Variants in MROH9 observed in about 807,000 individuals in gnomAD.
The protein encoded by MROH9 is maestro heat-like repeat-containing protein family member 9.
MROH9 carries 92 observed loss-of-function variants against 98.2 expected under a neutral mutation model. The observed-to-expected ratio is 0.94, with a 90% CI of 0.79 to 1.11. MROH9 has a LOEUF of 1.11. Ranked by LOEUF, MROH9 falls within the 50% of genes most tolerant of loss-of-function variation. The pLI is 0.00. For synonymous variants in MROH9, 397 were observed against 368.9 expected, an observed-to-expected ratio of 1.08 and a Z score of -0.87; for missense variants, 1,057 against 1,014.8, an observed-to-expected ratio of 1.04 and a Z score of -0.57.
At chr1:170,983,198 A>G (rs917355188) in intron 8 of MROH9, among the ~76,000 whole-genome samples, 13 of 152,218 alleles carry the variant, frequency 8.5e-5, no homozygotes, top group African/African-American at 3.1e-4. Flanking sequence ...CTATTATTAA[A>G]AGTATTTGTC....
chr1:170,995,718 T>C (rs1048065679), intron 13 of MROH9, among the ~76,000 whole-genome samples, 187 bp downstream of exon 13: 1 of 152,080 alleles, frequency 6.6e-6, no homozygotes, highest in African/African-American at 2.4e-5. Flanking sequence ...ACCTAAAAAT[T>C]AGTTCACCTT....
At chr1:170,989,157 T>G (rs931826792) in intron 10 of MROH9, among the ~76,000 whole-genome samples, 13 of 152,230 alleles carry the variant, frequency 8.5e-5, no homozygotes, top group East Asian at 3.9e-4. Flanking sequence ...AGTCTAAAAT[T>G]TATGATCCAG....
At chr1:170,963,401 C>A (rs573654297) in intron 6 of MROH9, among the ~76,000 whole-genome samples, 7 of 152,172 alleles carry the variant, frequency 4.6e-5, no homozygotes, top group Admixed American at 6.5e-5. Context: ...TTAGTACAAC[C>A]ATTGTACAAA....
At chr1:170,996,389 C>T (rs1027304562) in intron 13 of MROH9, 118 bp from the exon 14 acceptor site, 12 of 1,070,682 alleles carry the variant, frequency 1.1e-5, no homozygotes, top group Non-Finnish European at 1.6e-5. Flanking sequence ...TCCATTGAGA[C>T]ATCCCCTTTC....
intron 8 of MROH9, among the ~76,000 whole-genome samples, chr1:170,980,565 A>T (rs1650891635): frequency 6.6e-6 from 1 of 152,240 alleles, no homozygotes; most frequent in Admixed American, 6.5e-5. Context: ...CTGTCTAGCC[A>T]TATGCAGAAA....
intron 20 of MROH9, among the ~76,000 whole-genome samples, chr1:171,055,836 C>T (rs1653822458): frequency 6.6e-6 from 1 of 152,222 alleles, no homozygotes; most frequent in African/African-American, 2.4e-5. Context: ...ACTGACCAGG[C>T]AGCTGGTGTG....
At chr1:170,998,346 G>A (rs1651661548) in intron 15 of MROH9, 72 bp downstream of exon 15, 3 of 1,612,240 alleles carry the variant, frequency 1.9e-6, no homozygotes, top group African/African-American at 2.7e-5. Flanking sequence ...CAAAATTCCA[G>A]TTTCTCGTAT....
Position 170,971,828 on chromosome 1 carries a change from A to G in MROH9, c.561A>G (p.Val187=), listed in dbSNP as rs554437403. The G allele has an allele frequency of 8.0e-5, 129 of 1,614,074 alleles. 2 individuals are homozygous for G. In the South Asian group the frequency reaches 1.1e-3, roughly 14 times the overall value. ...GTTCCCATGAAGATCCCTCGATTGTAAAACAAGCATCATTGGGAATGTGTC... is the reference window on the plus strand; with the variant it reads ...GTTCCCATGAAGATCCCTCGATTGTGAAACAAGCATCATTGGGAATGTGTC... ...LLCSHEDPSI[V]KQASLGMCHL... Residue 187 remains valine (V), a synonymous_variant, in exon 8 of 22, where the codon GTA becomes GTG. Transcript: ENST00000367759.
At chr1:170,990,047 A>G in intron 11 of MROH9, 44 bp downstream of exon 11, 1 of 1,553,478 alleles carries the variant, frequency 6.4e-7, no homozygotes, top group Non-Finnish European at 8.8e-7. Context: ...GGGCTTGTTC[A>G]CAGGCTGCAC....
chr1:171,037,479 T>G (rs925450519), intron 20 of MROH9, among the ~76,000 whole-genome samples: 13 of 151,856 alleles, frequency 8.6e-5, no homozygotes, highest in Non-Finnish European at 1.8e-4. Flanking sequence ...TAGAAAGGTA[T>G]AAACCCTATT....
Position 170,988,513 on chromosome 1 carries a change from C to T in MROH9, c.880-1342C>T, listed in dbSNP as rs79787323. Among the ~76,000 whole-genome samples, 731 of 152,248 alleles carry T rather than the reference C, an allele frequency of 4.8e-3. 7 individuals are homozygous for T. The highest frequency in any genetic ancestry group is 0.016 in the African/African-American group (644 of 41,542). On this transcript the variant is annotated intron_variant, in intron 10 of 21. Coordinates refer to ENST00000367759, the MANE Select transcript of MROH9 (RefSeq NM_001163629.2). ...GTCCCTGAGAGAAAGAGAGACCAAA[C>T]AGAAAACTAGATTTGTAAAACTAGC...
At chr1:170,960,196 T>C (rs964953414) in intron 5 of MROH9, among the ~76,000 whole-genome samples, 6 of 152,352 alleles carry the variant, frequency 3.9e-5, no homozygotes, top group African/African-American at 7.2e-5. Context: ...GTAGAAACTT[T>C]CTCAGCTATG....
chr1:171,022,387 T>C (rs1171794053), intron 17 of MROH9, among the ~76,000 whole-genome samples: 1 of 152,078 alleles, frequency 6.6e-6, no homozygotes, highest in Non-Finnish European at 1.5e-5. Flanking sequence ...GAAAATGTGG[T>C]ATATATACAC....
At chr1:170,962,544 G>A (rs17621429) in intron 6 of MROH9, among the ~76,000 whole-genome samples, 12,135 of 151,998 alleles carry the variant, frequency 0.08, 621 homozygotes, top group Non-Finnish European at 0.11. Flanking sequence ...CTAACATGTT[G>A]GCATCAGAGG....
chr1:170,961,289 G>C (rs1435419501), intron 5 of MROH9, among the ~76,000 whole-genome samples: 1 of 152,166 alleles, frequency 6.6e-6, no homozygotes, highest in African/African-American at 2.4e-5. Flanking sequence ...GCTAAGGCAA[G>C]AGAAAATTTA....
At chr1:170,971,910 A>G in intron 8 of MROH9, 27 bp downstream of exon 8, 2 of 1,604,748 alleles carry the variant, frequency 1.2e-6, no homozygotes, top group Non-Finnish European at 8.5e-7. Context: ...ATCTTTTCTC[A>G]GGATTACTAA....
chr1:170,975,249 T>C (rs1650636217), intron 8 of MROH9, among the ~76,000 whole-genome samples: 1 of 152,000 alleles, frequency 6.6e-6, no homozygotes, highest in African/African-American at 2.4e-5. Context: ...AAAACATACA[T>C]GAATTAAATG....
At chr1:171,018,164 C>T (rs1451426007) in intron 17 of MROH9, among the ~76,000 whole-genome samples, 1 of 152,070 alleles carries the variant, frequency 6.6e-6, no homozygotes, top group African/African-American at 2.4e-5. Context: ...GGTTGGTGCC[C>T]CTCGAGATCC....
chr1:170,963,126 A>C (rs985867635), intron 6 of MROH9, among the ~76,000 whole-genome samples: 2 of 150,676 alleles, frequency 1.3e-5, no homozygotes, highest in Non-Finnish European at 3.0e-5. Context: ...AAGGAACTTA[A>C]GTTTACAAGA....
Sources: allele counts gnomAD v4.1 joint callset (sites outside exome capture counted in the v4.1 genomes callset), GRCh38; gene constraint gnomAD v4.1.1; transcripts MANE v1.5; gene names NCBI Gene and HGNC (gene_info 2026-07-23, HGNC 2026-07-21).